Variants in ZNF608 observed in about 807,000 individuals in gnomAD.
ZNF608 encodes the protein zinc finger protein 608.
In ZNF608, 12 loss-of-function variants were observed where a neutral mutation model predicts 109.0. The ratio of observed to expected loss-of-function variants is 0.11; its 90% CI spans 0.07 to 0.18. ZNF608 has a LOEUF of 0.18. Among genes scored for constraint, ZNF608 ranks in the 10% least tolerant of loss-of-function variants. ZNF608 has a pLI of 1.00. For missense variants in ZNF608, 1,707 were observed against 1,879.3 expected, an observed-to-expected ratio of 0.91 and a Z score of 1.70; for synonymous variants, 732 against 717.4, an observed-to-expected ratio of 1.02 and a Z score of -0.33.
upstream of ZNF608, among the ~76,000 whole-genome samples, chr5:124,747,647 C>T (rs1377532036): frequency 6.6e-6 from 1 of 151,782 alleles, no homozygotes; most frequent in Non-Finnish European, 1.5e-5. Flanking sequence ...CCCGCCCCCC[C>T]GCAGTGGGCG....
At chr5:124,668,703 A>C (rs1374230142) in intron 3 of ZNF608, among the ~76,000 whole-genome samples, 2 of 152,172 alleles carry the variant, frequency 1.3e-5, no homozygotes, top group African/African-American at 4.8e-5. Flanking sequence ...CGCCCATCAC[A>C]CAGCTGGGAG....
intron 3 of ZNF608, among the ~76,000 whole-genome samples, chr5:124,677,368 C>T (rs368903917): frequency 1.5e-4 from 23 of 152,248 alleles, no homozygotes; most frequent in Middle Eastern, 3.4e-3. Context: ...GAAACTGGAG[C>T]GAGAACTCTC....
intron 2 of ZNF608, among the ~76,000 whole-genome samples, chr5:124,726,157 C>T (rs1580701738): frequency 6.6e-6 from 1 of 152,154 alleles, no homozygotes. Context: ...TCTTCCATTG[C>T]TTTCCAGAAA....
chr5:124,734,869 T>G (rs1749073290), intron 2 of ZNF608: 1 of 152,244 alleles, frequency 6.6e-6, no homozygotes, highest in Non-Finnish European at 1.5e-5. Flanking sequence ...GACCGTTCCT[T>G]AGCCAAACAT....
In ZNF608 at chr5:124,648,344, C is replaced by T. The variant is rs780466730; in HGVS notation, c.2040G>A (p.Thr680=). The T allele has an allele frequency of 2.4e-5, 39 of 1,614,062 alleles. No individual in the cohort carries two copies. Among genetic ancestry groups the T allele is most frequent in the Non-Finnish European group, 3.3e-5 (39 of 1,180,038 alleles). ...LNNLPVISNM[T]AALDSCSAAD... is the part of the protein sequence containing the mutation. The stretch of plus-strand genomic sequence containing the variant: ...CTGCCGAGCAACTGTCTAACGCAGC[C>T]GTCATGTTGGAGATTACTGGAAGGT... Residue 680 remains threonine, a synonymous_variant, in exon 5 of 10, where the codon ACG becomes ACA. Coordinates refer to ENST00000513986, the MANE Select transcript of ZNF608 (RefSeq NM_020747.3).
intron 2 of ZNF608, among the ~76,000 whole-genome samples, chr5:124,729,238 C>G (rs961021624): frequency 6.6e-6 from 1 of 152,202 alleles, no homozygotes; most frequent in East Asian, 1.9e-4. Flanking sequence ...TCTCACTGTC[C>G]CTTTCACAAG....
At chr5:124,667,148 A>C (rs559856782) in intron 3 of ZNF608, among the ~76,000 whole-genome samples, 8 of 152,168 alleles carry the variant, frequency 5.3e-5, no homozygotes, top group Non-Finnish European at 1.5e-5. Context: ...TTTAAGATCA[A>C]CTCTTCAAGA....
chr5:124,733,651 A>C lies in ZNF608; in HGVS notation c.906+10433T>G, dbSNP rs186308178. Among the ~76,000 whole-genome samples the C allele has an allele frequency of 2.6e-5, 4 of 152,258 alleles. No homozygotes were observed. The East Asian group carries it at 7.7e-4, about 29-fold the overall frequency. On this transcript the variant is annotated intron_variant, in intron 2 of 9. Coordinates refer to ENST00000513986, the MANE Select transcript of ZNF608 (RefSeq NM_020747.3). ...ATTGCTATTGTGAGCATTTCACTAC[A>C]GGGCCACTAATTTTTTCATTTTTTT...
At chr5:124,679,184 G>A (rs1752086309) in intron 3 of ZNF608, among the ~76,000 whole-genome samples, 1 of 152,148 alleles carries the variant, frequency 6.6e-6, no homozygotes, top group South Asian at 2.1e-4. Flanking sequence ...TCAGTTTACT[G>A]CCTGTCACCT....
At chr5:124,726,881 C>G (rs1748633741) in intron 2 of ZNF608, among the ~76,000 whole-genome samples, 1 of 152,162 alleles carries the variant, frequency 6.6e-6, no homozygotes, top group Non-Finnish European at 1.5e-5. Flanking sequence ...GGTCAAGAAA[C>G]AGACTAGGAA....
chr5:124,723,162 G>C (rs1361355639), intron 2 of ZNF608, among the ~76,000 whole-genome samples: 1 of 151,762 alleles, frequency 6.6e-6, no homozygotes, highest in Non-Finnish European at 1.5e-5. Context: ...TCTCAAATAG[G>C]TGGGATTACA....
chr5:124,739,777 C>T (rs4476718), intron 2 of ZNF608, among the ~76,000 whole-genome samples: 125,133 of 152,132 alleles, frequency 0.82, 51,503 homozygotes, highest in East Asian at 0.89. Context: ...ACCGTCGAAA[C>T]TGGAGCAAAT....
chr5:124,739,855 A>C (rs1580723216), intron 2 of ZNF608, among the ~76,000 whole-genome samples: 1 of 152,188 alleles, frequency 6.6e-6, no homozygotes, highest in Non-Finnish European at 1.5e-5. Flanking sequence ...ATGTTGTTCG[A>C]ATCTGGTTAT....
At chr5:124,742,267 A>G (rs1055957335) in intron 2 of ZNF608, among the ~76,000 whole-genome samples, 1 of 152,230 alleles carries the variant, frequency 6.6e-6, no homozygotes, top group African/African-American at 2.4e-5. Flanking sequence ...AGATACTGAA[A>G]TGTTCCGATT....
At chr5:124,718,675 AT>A (rs903926952) in intron 2 of ZNF608, among the ~76,000 whole-genome samples, 13 of 151,588 alleles carry the variant, frequency 8.6e-5, no homozygotes, top group East Asian at 3.9e-4. Context: ...AAAACAAGGC[AT>A]TTTTTTTTCC....
At chr5:124,743,935 C>A (rs1219984604) in intron 2 of ZNF608, 149 bp downstream of exon 2, 3 of 1,204,018 alleles carry the variant, frequency 2.5e-6, no homozygotes, top group Non-Finnish European at 3.4e-6. Context: ...TCCCCCATAT[C>A]AAATTTTAAT....
intron 3 of ZNF608, among the ~76,000 whole-genome samples, chr5:124,681,417 A>G (rs570600606): frequency 5.9e-5 from 9 of 152,320 alleles, no homozygotes; most frequent in African/African-American, 1.9e-4. Flanking sequence ...AGATTGTGCC[A>G]CTGCACTCCA....
At chr5:124,728,316 G>C (rs1293592084) in intron 2 of ZNF608, among the ~76,000 whole-genome samples, 1 of 152,126 alleles carries the variant, frequency 6.6e-6, no homozygotes, top group Non-Finnish European at 1.5e-5. Context: ...GAAAAAAATA[G>C]GCTTTAGGTG....
chr5:124,735,487 C>T (rs1749105418), intron 2 of ZNF608, among the ~76,000 whole-genome samples: 1 of 152,198 alleles, frequency 6.6e-6, no homozygotes, highest in South Asian at 2.1e-4. Context: ...AATAAAGGGA[C>T]CTGCTGAAGA....
Sources: gnomAD v4.1 joint callset for allele counts (sites outside exome capture counted in the v4.1 genomes callset) on GRCh38, gnomAD v4.1.1 for gene constraint, MANE v1.5 for transcripts, NCBI Gene and HGNC (gene_info 2026-07-23, HGNC 2026-07-21) for gene names.